Variants in LSAMP observed in about 807,000 individuals in gnomAD.
LSAMP encodes the protein limbic system-associated membrane protein.
LSAMP carries 7 observed loss-of-function variants against 38.6 expected under a neutral mutation model. That is an observed-to-expected ratio of 0.18 (90% CI 0.10 to 0.34). The LOEUF is 0.34. LSAMP is among the 10% of genes least tolerant of loss of function. The pLI, the probability that LSAMP is intolerant of heterozygous loss-of-function variation, is 1.00. For synonymous variants in LSAMP, 154 were observed against 166.8 expected (o/e 0.92, Z 0.59); for missense variants, 313 against 420.0 (o/e 0.75, Z 2.23).
At chr3:116,397,131 G>A (rs1576191345) in intron 1 of LSAMP, among the ~76,000 whole-genome samples, 1 of 152,218 alleles carries the variant, frequency 6.6e-6, no homozygotes, top group African/African-American at 2.4e-5. Flanking sequence ...CCATTTCAGA[G>A]TAATTGTAAG....
At chr3:115,903,281 A>G (rs144426085) in intron 3 of LSAMP, among the ~76,000 whole-genome samples, 17 of 152,282 alleles carry the variant, frequency 1.1e-4, no homozygotes, top group Non-Finnish European at 2.4e-4. Flanking sequence ...CGTGGGAGCT[A>G]AATGATGAGA....
At chr3:116,442,306 G>A (rs1405733725) in intron 1 of LSAMP, among the ~76,000 whole-genome samples, 4 of 151,730 alleles carry the variant, frequency 2.6e-5, no homozygotes, top group African/African-American at 7.3e-5. Flanking sequence ...CATATCATTC[G>A]GGGCCACAAA....
intron 1 of LSAMP, among the ~76,000 whole-genome samples, chr3:116,283,601 G>T (rs549913735): frequency 1.4e-3 from 208 of 152,154 alleles, no homozygotes; most frequent in African/African-American, 5.0e-3. Flanking sequence ...AAAATTCCTG[G>T]TCAAGGGCAT....
chr3:116,014,843 T>A (rs895622907), intron 3 of LSAMP, among the ~76,000 whole-genome samples: 1 of 152,212 alleles, frequency 6.6e-6, no homozygotes, highest in African/African-American at 2.4e-5. Flanking sequence ...ACATTACATA[T>A]TTCTCTCAAA....
At chr3:115,947,102 A>C (rs1278252856) in intron 3 of LSAMP, among the ~76,000 whole-genome samples, 1 of 152,184 alleles carries the variant, frequency 6.6e-6, no homozygotes, top group Admixed American at 6.6e-5. Flanking sequence ...TGTAATTCTC[A>C]TTAATGACAG....
intron 1 of LSAMP, among the ~76,000 whole-genome samples, chr3:116,175,707 T>C (rs1710322602): frequency 6.6e-6 from 1 of 151,886 alleles, no homozygotes; most frequent in Non-Finnish European, 1.5e-5. Flanking sequence ...ATCTTTCCCT[T>C]TTTTTTCTTA....
intron 2 of LSAMP, among the ~76,000 whole-genome samples, chr3:116,036,396 C>T (rs757925224): frequency 4.6e-5 from 7 of 152,146 alleles, no homozygotes; most frequent in South Asian, 2.1e-4. Context: ...TGACAGAGGC[C>T]GTCACCTTGT....
At chr3:115,871,919 G>A (rs1936051013) in intron 3 of LSAMP, among the ~76,000 whole-genome samples, 1 of 152,138 alleles carries the variant, frequency 6.6e-6, no homozygotes, top group South Asian at 2.1e-4. Context: ...GTAGCAGAGG[G>A]CCTTGTGGGA....
At chr3:115,904,804 CTGT>C (rs1235335106) in intron 3 of LSAMP, among the ~76,000 whole-genome samples, 1 of 152,102 alleles carries the variant, frequency 6.6e-6, no homozygotes, top group Admixed American at 6.6e-5. Context: ...TCCTATTGTG[CTGT>C]TGTTGCAGTT....
intron 1 of LSAMP, among the ~76,000 whole-genome samples, chr3:116,409,436 G>A (rs191856824): frequency 2.3e-3 from 354 of 152,068 alleles, no homozygotes; most frequent in African/African-American, 8.3e-3. Flanking sequence ...TTTTAAAGAT[G>A]AAAATAAAGG....
At chr3:115,920,183 T>C (rs114526086) in intron 3 of LSAMP, among the ~76,000 whole-genome samples, 1 of 152,342 alleles carries the variant, frequency 6.6e-6, no homozygotes, top group African/African-American at 2.4e-5. Context: ...TGATTTCAAT[T>C]CTTTTGTATA....
At chr3:115,928,973 G>GTTTT (rs67711628) in intron 3 of LSAMP, among the ~76,000 whole-genome samples, 8,407 of 108,972 alleles carry the variant, frequency 0.077, 421 homozygotes, top group Admixed American at 0.12. Context: ...TTTTTTGTTT[G>GTTTT]TTTTTTTTTT....
At chr3:115,995,658 A>T (rs924261166) in intron 3 of LSAMP, among the ~76,000 whole-genome samples, 3 of 152,112 alleles carry the variant, frequency 2.0e-5, no homozygotes, top group Admixed American at 1.3e-4. Context: ...AGGTGGAGAG[A>T]AAAATAATAA....
At chr3:116,202,609 T>C (rs1378778595) in intron 1 of LSAMP, among the ~76,000 whole-genome samples, 1 of 151,952 alleles carries the variant, frequency 6.6e-6, no homozygotes, top group East Asian at 1.9e-4. Context: ...CACACACAGC[T>C]ACAGGAGTCC....
chr3:115,887,868 C>T (rs1006292868), intron 3 of LSAMP, among the ~76,000 whole-genome samples: 11 of 151,838 alleles, frequency 7.2e-5, no homozygotes, highest in African/African-American at 2.2e-4. Flanking sequence ...CACTTAAAGA[C>T]CGCAGAATGA....
chr3:115,960,724 G>A (rs1054451410), intron 3 of LSAMP, among the ~76,000 whole-genome samples: 2 of 152,108 alleles, frequency 1.3e-5, no homozygotes, highest in Admixed American at 6.5e-5. Context: ...GACTTAAAGA[G>A]TTATCAATTC....
At chr3:115,854,899 A>T (rs1935458880) in intron 3 of LSAMP, among the ~76,000 whole-genome samples, 1 of 152,242 alleles carries the variant, frequency 6.6e-6, no homozygotes, top group Non-Finnish European at 1.5e-5. Context: ...ATAGAAAGTA[A>T]GATAGCATTA....
chr3:116,253,263 A>C (rs1312074663), intron 1 of LSAMP, among the ~76,000 whole-genome samples: 1 of 152,226 alleles, frequency 6.6e-6, no homozygotes, highest in Non-Finnish European at 1.5e-5. Context: ...CATACTGACC[A>C]ACGTGATTTG....
intron 1 of LSAMP, among the ~76,000 whole-genome samples, chr3:116,321,454 C>G (rs1041786393): frequency 6.6e-6 from 1 of 152,176 alleles, no homozygotes; most frequent in African/African-American, 2.4e-5. Context: ...TTCACCTCTG[C>G]TTAGTGCTTA....
Sources: gnomAD v4.1 joint callset for allele counts (sites outside exome capture counted in the v4.1 genomes callset) on GRCh38, gnomAD v4.1.1 for gene constraint, MANE v1.5 for transcripts, NCBI Gene and HGNC (gene_info 2026-07-23, HGNC 2026-07-21) for gene names.